Variants in RIMS1 observed in about 807,000 individuals in gnomAD.
RIMS1 encodes the protein regulating synaptic membrane exocytosis 1, also known as regulating synaptic membrane exocytosis protein 1.
A neutral mutation model predicts 214.1 loss-of-function variants in RIMS1; 83 were observed. The observed-to-expected ratio is 0.39, with a 90% CI of 0.32 to 0.47. The LOEUF (loss-of-function observed/expected upper bound fraction) is 0.47, where lower values mean the gene tolerates loss of function less well. Among genes scored for constraint, RIMS1 ranks in the 20% least tolerant of loss-of-function variants. RIMS1 has a pLI of 0.99. For missense variants in RIMS1, 2,050 were observed against 2,161.8 expected, an observed-to-expected ratio of 0.95 and a Z score of 1.03; for synonymous variants, 793 against 786.8, an observed-to-expected ratio of 1.01 and a Z score of -0.13.
At chr6:71,995,290 G>A (rs1450599135) in intron 2 of RIMS1, among the ~76,000 whole-genome samples, 3 of 152,134 alleles carry the variant, frequency 2.0e-5, no homozygotes, top group African/African-American at 7.2e-5. Context: ...ATTTCCAAAT[G>A]TTAAGCTAGT....
At chr6:72,136,041 G>A (rs1387783907) in intron 4 of RIMS1, among the ~76,000 whole-genome samples, 1 of 152,098 alleles carries the variant, frequency 6.6e-6, no homozygotes, top group Non-Finnish European at 1.5e-5. Context: ...GAGAGGATAA[G>A]AATGAGTTAG....
At chr6:71,910,162 T>C (rs1209923171) in intron 1 of RIMS1, among the ~76,000 whole-genome samples, 1 of 152,134 alleles carries the variant, frequency 6.6e-6, no homozygotes, top group Non-Finnish European at 1.5e-5. Context: ...ACTTTTCTCC[T>C]GGTCAGGAGA....
chr6:72,164,316 A>G (rs1302105539), intron 4 of RIMS1, among the ~76,000 whole-genome samples: 1 of 152,084 alleles, frequency 6.6e-6, no homozygotes, highest in African/African-American at 2.4e-5. Flanking sequence ...AGGAAAGGGA[A>G]TTCCCTGATC....
intron 2 of RIMS1, among the ~76,000 whole-genome samples, chr6:72,081,251 T>A (rs1001270241): frequency 6.6e-5 from 10 of 152,168 alleles, no homozygotes; most frequent in African/African-American, 2.4e-4. Context: ...TAAAATAGGG[T>A]GTTGCTCATA....
At chr6:72,249,921 C>G (rs2072338740) in intron 12 of RIMS1, among the ~76,000 whole-genome samples, 1 of 151,818 alleles carries the variant, frequency 6.6e-6, no homozygotes, top group Admixed American at 6.6e-5. Context: ...TTAATTTTAA[C>G]TACCTGTGAC....
chr6:71,978,583 G>A (rs148251243), intron 2 of RIMS1, among the ~76,000 whole-genome samples: 172 of 151,998 alleles, frequency 1.1e-3, no homozygotes, highest in African/African-American at 4.1e-3. Flanking sequence ...CAGTCAAGAA[G>A]AAAAAGAATA....
In RIMS1 at chr6:72,182,673, G is replaced by C; in HGVS notation, c.1202G>C (p.Gly401Ala). 2 of 1,445,474 alleles carry C rather than the reference G, an allele frequency of 1.4e-6. No individual in the cohort carries two copies. Among genetic ancestry groups the C allele is most frequent in the Non-Finnish European group, 1.8e-6 (2 of 1,105,822 alleles). 89.5% of individuals were successfully genotyped at this position (1,445,474 alleles called of 1,614,324 possible). A position where few individuals can be genotyped will look rare whatever the true frequency, so the allele number is the denominator to read the frequency against. Residue 401 changes from glycine (G) to alanine (A), a missense_variant, in exon 6 of 34, where the codon GGC becomes GCC. Gly to Ala is a moderately conservative substitution (Grantham distance 60, BLOSUM62 0). Transcript: ENST00000521978. ...SDVALPRTEA[G>A]AALPEGKAGK... ...GTGGCGCTCCCGCGCACCGAGGCGGGCGCGGCGCTGCCGGAGGGCAAGGCC... is the reference window on the plus strand; with the variant it reads ...GTGGCGCTCCCGCGCACCGAGGCGGCCGCGGCGCTGCCGGAGGGCAAGGCC...
chr6:72,361,032 G>T (rs959495477), intron 29 of RIMS1, among the ~76,000 whole-genome samples: 1 of 147,486 alleles, frequency 6.8e-6, no homozygotes, highest in East Asian at 2.0e-4. Flanking sequence ...GAGAAATTTA[G>T]GGAGGTTCCT....
At position 72,097,100 on chromosome 6, in the gene RIMS1, T is replaced by C. The variant is rs1194679345; in HGVS notation, c.397T>C (p.Ser133Pro). ...KFADGCGHLC[S>P]YCRTKFCARC... ...TGCTGATGGGTGCGGTCATCTCTGC[T>C]CCTATTGTCGCACTAAGTTCTGTGC... Residue 133 changes from serine (S) to proline (P), a missense_variant, in exon 3 of 34, where the codon TCC (serine) becomes CCC (proline). Physicochemically the swap from Ser to Pro is moderately conservative, Grantham distance 74. Coordinates refer to ENST00000521978, the MANE Select transcript of RIMS1 (RefSeq NM_014989.7). 1 of 1,613,992 alleles carries C rather than the reference T, an allele frequency of 6.2e-7. No homozygotes were observed. The highest frequency in any genetic ancestry group is 1.1e-5 in the South Asian group (1 of 91,084).
chr6:72,012,112 A>T (rs558315256), intron 2 of RIMS1, among the ~76,000 whole-genome samples: 1 of 152,360 alleles, frequency 6.6e-6, no homozygotes, highest in East Asian at 1.9e-4. Context: ...TGCATAAAGA[A>T]AATGTGGCAC....
intron 1 of RIMS1, among the ~76,000 whole-genome samples, chr6:71,951,374 C>T (rs1008749918): frequency 1.3e-5 from 2 of 152,130 alleles, no homozygotes; most frequent in Admixed American, 6.5e-5. Flanking sequence ...ATAATGACGA[C>T]ATTCACTCAA....
At chr6:72,101,699 G>A (rs1342616642) in intron 4 of RIMS1, among the ~76,000 whole-genome samples, 1 of 151,848 alleles carries the variant, frequency 6.6e-6, no homozygotes, top group Admixed American at 6.6e-5. Context: ...TTAAATTGGT[G>A]AAGAACTGTG....
At chr6:71,951,857 C>A (rs1170390076) in intron 1 of RIMS1, among the ~76,000 whole-genome samples, 7 of 152,050 alleles carry the variant, frequency 4.6e-5, no homozygotes, top group African/African-American at 1.7e-4. Flanking sequence ...AAGCCTCGAA[C>A]TCAAGTCTTT....
chr6:72,159,751 C>A (rs1421741239), intron 4 of RIMS1, among the ~76,000 whole-genome samples: 1 of 139,674 alleles, frequency 7.2e-6, no homozygotes, highest in African/African-American at 2.5e-5. Flanking sequence ...TGATCTATAT[C>A]TCTGTTTTGG....
chr6:72,020,475 C>T (rs894918791), intron 2 of RIMS1, among the ~76,000 whole-genome samples: 5 of 152,196 alleles, frequency 3.3e-5, no homozygotes, highest in Non-Finnish European at 7.3e-5. Context: ...GCAGCCCTTG[C>T]CTTCTGCTGC....
intron 4 of RIMS1, among the ~76,000 whole-genome samples, chr6:72,133,855 A>G (rs114255250): frequency 1.1e-3 from 166 of 152,272 alleles, no homozygotes; most frequent in African/African-American, 3.8e-3. Context: ...AGCATGAAAG[A>G]TAGTTACAGA....
Position 72,154,588 on chromosome 6 carries a change from C to T in RIMS1, c.472-24987C>T, listed in dbSNP as rs555536459. ...GACTCTTTCTATTATCATGCCCTTG[C>T]GCAAGTATCAACTTTGACAACTACC... On this transcript the variant is annotated intron_variant, in intron 4 of 33. Coordinates refer to ENST00000521978, the MANE Select transcript of RIMS1 (RefSeq NM_014989.7). 2.0e-4 allele frequency among the ~76,000 whole-genome samples: 28 copies of T among 140,694 alleles called. 6 individuals are homozygous for T. The highest frequency in any genetic ancestry group is 2.9e-4 in the Non-Finnish European group (18 of 61,892). The allele number at this position is 140,694 out of a possible 152,430, so 92.3% of individuals were successfully genotyped here.
At chr6:72,090,091 A>G (rs1462037918) in intron 2 of RIMS1, among the ~76,000 whole-genome samples, 1 of 151,824 alleles carries the variant, frequency 6.6e-6, no homozygotes, top group Middle Eastern at 3.4e-3. Context: ...TAGTGGGTGC[A>G]GCGCACCAGC....
At chr6:71,981,248 T>A (rs115152021) in intron 2 of RIMS1, among the ~76,000 whole-genome samples, 2,487 of 152,222 alleles carry the variant, frequency 0.016, 81 homozygotes, top group African/African-American at 0.055. Flanking sequence ...TGAAACTTTA[T>A]AAAGTATTGT....
Sources: gnomAD v4.1 joint callset for allele counts (sites outside exome capture counted in the v4.1 genomes callset) on GRCh38, gnomAD v4.1.1 for gene constraint, MANE v1.5 for transcripts, NCBI Gene and HGNC (gene_info 2026-07-23, HGNC 2026-07-21) for gene names.